The following NLGN1 variants were observed in gnomAD, a reference collection of about 807,000 sequenced individuals.
NLGN1 encodes the protein neuroligin 1.
A neutral mutation model predicts 65.5 loss-of-function variants in NLGN1; 12 were observed. The ratio of observed to expected loss-of-function variants is 0.18; its 90% CI spans 0.12 to 0.30. The LOEUF (loss-of-function observed/expected upper bound fraction) is 0.30, where lower values mean the gene tolerates loss of function less well. Among genes scored for constraint, NLGN1 ranks in the 10% least tolerant of loss-of-function variants. The pLI, the probability that NLGN1 is intolerant of heterozygous loss-of-function variation, is 1.00. For missense variants in NLGN1, 750 were observed against 1,007.1 expected, an observed-to-expected ratio of 0.74 and a Z score of 3.46; for synonymous variants, 350 against 359.5, an observed-to-expected ratio of 0.97 and a Z score of 0.30.
chr3:173,429,413 T>A (rs1452284208), intron 1 of NLGN1, among the ~76,000 whole-genome samples: 1 of 152,172 alleles, frequency 6.6e-6, no homozygotes, highest in Non-Finnish European at 1.5e-5. Flanking sequence ...TATCTTGGAG[T>A]TCACTGAGTT....
chr3:174,108,769 T>C (rs1253112649), intron 4 of NLGN1, among the ~76,000 whole-genome samples: 1 of 152,042 alleles, frequency 6.6e-6, no homozygotes, highest in Non-Finnish European at 1.5e-5. Context: ...ATTGAGAAGA[T>C]GGGTCAGAGG....
chr3:173,530,910 T>A (rs1736459746), intron 2 of NLGN1, among the ~76,000 whole-genome samples: 1 of 152,164 alleles, frequency 6.6e-6, no homozygotes, highest in Non-Finnish European at 1.5e-5. Context: ...AATGAGTTTT[T>A]AAAAGTATTT....
At chr3:174,227,155 A>G (rs1396174697) in intron 4 of NLGN1, among the ~76,000 whole-genome samples, 1 of 152,160 alleles carries the variant, frequency 6.6e-6, no homozygotes, top group Non-Finnish European at 1.5e-5. Flanking sequence ...TGCCAGGTTC[A>G]CATAGTCTTC....
chr3:173,921,776 C>A lies in NLGN1; in HGVS notation c.646+113944C>A, dbSNP rs1056552019. On this transcript the variant is annotated intron_variant, in intron 4 of 6. Transcript: ENST00000457714. ...TCTACGTATAAAACCTTTGAAAATA[C>A]GGTTATCAGAAATTGACATCATGAA... Among the ~76,000 whole-genome samples the A allele has an allele frequency of 4.6e-5, 7 of 152,128 alleles. No individual in the cohort carries two copies. The South Asian group carries it at 8.3e-4, about 18-fold the overall frequency.
intron 4 of NLGN1, among the ~76,000 whole-genome samples, chr3:173,916,920 A>C (rs913400775): frequency 1.3e-5 from 2 of 152,196 alleles, no homozygotes; most frequent in African/African-American, 4.8e-5. Flanking sequence ...AGGAAGCAGA[A>C]AGTAGAAAAG....
At chr3:173,407,388 T>G (rs547686409) in intron 1 of NLGN1, among the ~76,000 whole-genome samples, 1 of 152,282 alleles carries the variant, frequency 6.6e-6, no homozygotes, top group African/African-American at 2.4e-5. Context: ...AAAAAAATGA[T>G]TTGCTTGTTT....
intron 2 of NLGN1, among the ~76,000 whole-genome samples, chr3:173,496,680 A>C (rs1266419993): frequency 1.3e-5 from 2 of 151,840 alleles, no homozygotes; most frequent in Non-Finnish European, 2.9e-5. Flanking sequence ...GTTGATGGAG[A>C]GACAAAATAA....
chr3:173,499,321 C>G (rs1016589164), intron 2 of NLGN1, among the ~76,000 whole-genome samples: 17 of 151,696 alleles, frequency 1.1e-4, no homozygotes, highest in African/African-American at 3.9e-4. Flanking sequence ...AATCCTTTCC[C>G]CATTGCTTGT....
chr3:173,915,246 C>T (rs1219114719), intron 4 of NLGN1, among the ~76,000 whole-genome samples: 4 of 152,258 alleles, frequency 2.6e-5, no homozygotes, highest in South Asian at 4.1e-4. Context: ...ATGAACAAAT[C>T]GATGAAAATC....
At chr3:173,485,014 AAG>A (rs1727930725) in intron 2 of NLGN1, among the ~76,000 whole-genome samples, 2 of 151,906 alleles carry the variant, frequency 1.3e-5, no homozygotes, top group Admixed American at 6.6e-5. Context: ...TTTTGAAAGA[AAG>A]AGGTTTATTG....
chr3:173,445,294 A>C (rs1346647580), intron 2 of NLGN1, among the ~76,000 whole-genome samples: 3 of 148,520 alleles, frequency 2.0e-5, no homozygotes, highest in East Asian at 2.0e-4. Flanking sequence ...AAAAAAAAAA[A>C]ACAAGGACTT....
intron 5 of NLGN1, among the ~76,000 whole-genome samples, chr3:174,276,839 T>G (rs1041507605): frequency 6.6e-6 from 1 of 151,910 alleles, no homozygotes; most frequent in Non-Finnish European, 1.5e-5. Context: ...GTTTCTTTAA[T>G]TAAACAGATT....
chr3:174,119,542 A>C (rs1014443784), intron 4 of NLGN1, among the ~76,000 whole-genome samples: 2 of 152,292 alleles, frequency 1.3e-5, no homozygotes, highest in Admixed American at 6.5e-5. Context: ...GTGCCCAATC[A>C]TTCTATGGAC....
chr3:173,913,511 G>C (rs1032025250), intron 4 of NLGN1, among the ~76,000 whole-genome samples: 3 of 152,160 alleles, frequency 2.0e-5, no homozygotes, highest in Non-Finnish European at 4.4e-5. Flanking sequence ...AGTGCTGACA[G>C]CCCAGGAACG....
intron 3 of NLGN1, among the ~76,000 whole-genome samples, chr3:173,650,923 TA>T (rs1455366784): frequency 4.0e-5 from 6 of 150,430 alleles, no homozygotes; most frequent in Non-Finnish European, 8.9e-5. Flanking sequence ...CTTGCCTGTT[TA>T]TTTTTTTTTT....
chr3:174,175,891 T>G (rs1177253066), intron 4 of NLGN1, among the ~76,000 whole-genome samples: 1 of 151,940 alleles, frequency 6.6e-6, no homozygotes, highest in African/African-American at 2.4e-5. Context: ...ATTACTGGCA[T>G]GATTTCCATC....
At chr3:173,678,138 T>C (rs1237358989) in intron 3 of NLGN1, among the ~76,000 whole-genome samples, 1 of 152,126 alleles carries the variant, frequency 6.6e-6, no homozygotes, top group Non-Finnish European at 1.5e-5. Context: ...CTAGTCAACC[T>C]GAGCGTCCAC....
At chr3:173,520,921 T>C (rs891089539) in intron 2 of NLGN1, among the ~76,000 whole-genome samples, 1 of 152,164 alleles carries the variant, frequency 6.6e-6, no homozygotes, top group South Asian at 2.1e-4. Flanking sequence ...GCAGCATCCT[T>C]CTTTAGCATG....
intron 3 of NLGN1, among the ~76,000 whole-genome samples, chr3:173,676,120 A>G (rs1018487379): frequency 6.6e-6 from 1 of 152,018 alleles, no homozygotes; most frequent in African/African-American, 2.4e-5. Context: ...TAAAAAAGTT[A>G]ATAATAATAA....
Sources: allele counts gnomAD v4.1 joint callset (sites outside exome capture counted in the v4.1 genomes callset), GRCh38; gene constraint gnomAD v4.1.1; transcripts MANE v1.5; gene names NCBI Gene and HGNC (gene_info 2026-07-23, HGNC 2026-07-21).